The following IL1RAPL1 variants were observed in gnomAD, a reference collection of about 807,000 sequenced individuals.
The protein encoded by IL1RAPL1 is interleukin-1 receptor accessory protein-like 1.
A neutral mutation model predicts 48.4 loss-of-function variants in IL1RAPL1; 3 were observed. The ratio of observed to expected loss-of-function variants is 0.06; its 90% CI spans 0.03 to 0.16. IL1RAPL1 has a LOEUF of 0.16. Ranked by LOEUF, IL1RAPL1 falls within the 10% of genes least tolerant of loss-of-function variation. The probability of loss-of-function intolerance (pLI) is 1.00; values close to 1 mark genes in which losing one functional copy is unlikely to be tolerated. For missense variants in IL1RAPL1, 349 were observed against 530.6 expected, an observed-to-expected ratio of 0.66 and a Z score of 3.36; for synonymous variants, 185 against 187.7, an observed-to-expected ratio of 0.99 and a Z score of 0.12.
rs58049512 is a variant in IL1RAPL1 at position 28,965,844 on chromosome X, G to A, written c.82+176419G>A. Among the ~76,000 whole-genome samples the A allele has an allele frequency of 9.7e-3, 1,086 of 111,819 alleles. 5 individuals carry two copies. Among genetic ancestry groups the A allele is most frequent in the African/African-American group, 0.021 (649 of 30,899 alleles). On this transcript the variant is annotated intron_variant, in intron 2 of 10. Transcript: ENST00000378993. ...GTGCTGTTAGAAATACAATTTTCTC[G>A]TGACGAATGATGTAAAAGTAACCTT...
chrX:29,562,050 A>G (rs953597165), intron 5 of IL1RAPL1, among the ~76,000 whole-genome samples: 5 of 104,452 alleles, frequency 4.8e-5, no homozygotes, highest in Admixed American at 2.1e-4. Context: ...CTATCTATCT[A>G]TCTATCTATC....
intron 2 of IL1RAPL1, among the ~76,000 whole-genome samples, chrX:29,006,689 GTGTGT>G (rs1407623784): frequency 9.7e-6 from 1 of 103,602 alleles, no homozygotes; most frequent in Admixed American, 1.1e-4. Context: ...GTGTGTGTGT[GTGTGT>G]TATTAAATAT....
At chrX:29,508,475 T>C (rs147381668) in intron 5 of IL1RAPL1, among the ~76,000 whole-genome samples, 1,450 of 112,186 alleles carry the variant, frequency 0.013, 34 homozygotes, top group African/African-American at 0.045. Context: ...TTGACAACTA[T>C]ATAAAACAGG....
At chrX:28,843,214 G>A (rs748666934) in intron 2 of IL1RAPL1, among the ~76,000 whole-genome samples, 4 of 110,167 alleles carry the variant, frequency 3.6e-5, no homozygotes, top group South Asian at 3.9e-4. Context: ...ATAATCCCTC[G>A]CTATCGGGAT....
At chrX:29,334,697 C>T (rs1296764739) in intron 3 of IL1RAPL1, among the ~76,000 whole-genome samples, 1 of 112,449 alleles carries the variant, frequency 8.9e-6, no homozygotes, top group Non-Finnish European at 1.9e-5. Context: ...GGCAGAGGTG[C>T]TCCCCACATC....
intron 5 of IL1RAPL1, among the ~76,000 whole-genome samples, chrX:29,434,897 G>A (rs1376605211): frequency 9.0e-6 from 1 of 110,803 alleles, no homozygotes; most frequent in African/African-American, 3.3e-5. Context: ...ACAGTGTTGT[G>A]CAACCATTAC....
At chrX:29,107,483 A>G (rs1246436715) in intron 2 of IL1RAPL1, among the ~76,000 whole-genome samples, 1 of 111,934 alleles carries the variant, frequency 8.9e-6, no homozygotes, top group East Asian at 2.8e-4. Flanking sequence ...TTTCAACTCA[A>G]TTTATAGTTA....
At chrX:29,926,219 C>G (rs1932889707) in intron 8 of IL1RAPL1, among the ~76,000 whole-genome samples, 1 of 112,181 alleles carries the variant, frequency 8.9e-6, no homozygotes, top group South Asian at 3.7e-4. Context: ...ACACAGTTTT[C>G]TTCTCTATGA....
At chrX:29,205,628 A>G (rs1418828336) in intron 2 of IL1RAPL1, among the ~76,000 whole-genome samples, 2 of 112,163 alleles carry the variant, frequency 1.8e-5, no homozygotes, top group African/African-American at 3.2e-5. Flanking sequence ...TAGGTATTGC[A>G]TAAAGTAACT....
At chrX:29,935,775 G>C (rs1384739710) in intron 8 of IL1RAPL1, among the ~76,000 whole-genome samples, 1 of 111,301 alleles carries the variant, frequency 9.0e-6, no homozygotes, top group Non-Finnish European at 1.9e-5. Context: ...CTAATGATGG[G>C]TCCTAGCCAA....
At chrX:29,557,223 C>T (rs1311911381) in intron 5 of IL1RAPL1, among the ~76,000 whole-genome samples, 3 of 111,574 alleles carry the variant, frequency 2.7e-5, no homozygotes, top group African/African-American at 3.3e-5. Flanking sequence ...AAACAAATTC[C>T]AGCCAATGAA....
At chrX:29,885,903 G>A (rs1237671168) in intron 6 of IL1RAPL1, among the ~76,000 whole-genome samples, 3 of 111,516 alleles carry the variant, frequency 2.7e-5, no homozygotes, top group Non-Finnish European at 5.6e-5. Context: ...AAAACTGAAT[G>A]GTTTATTAAA....
intron 2 of IL1RAPL1, among the ~76,000 whole-genome samples, chrX:28,946,417 T>A (rs187088952): frequency 9.0e-6 from 1 of 111,060 alleles, no homozygotes; most frequent in Non-Finnish European, 1.9e-5. Context: ...TTATTAGGTA[T>A]ATAATTATAG....
chrX:29,698,402 A>C (rs759970783), intron 6 of IL1RAPL1, among the ~76,000 whole-genome samples: 84 of 111,124 alleles, frequency 7.6e-4, no homozygotes, highest in African/African-American at 2.6e-3. Context: ...ATTTCCCCAA[A>C]GTATCCTGGT....
At chrX:29,138,775 TAAAA>T (rs751624483) in intron 2 of IL1RAPL1, among the ~76,000 whole-genome samples, 2 of 67,379 alleles carry the variant, frequency 3.0e-5, no homozygotes, top group Admixed American at 1.8e-4. Flanking sequence ...AGACTCCATC[TAAAA>T]AAAAAAAAAA....
At chrX:29,130,491 C>G (rs942512126) in intron 2 of IL1RAPL1, among the ~76,000 whole-genome samples, 6 of 112,283 alleles carry the variant, frequency 5.3e-5, no homozygotes, top group Non-Finnish European at 1.1e-4. Flanking sequence ...TCTTATTCAA[C>G]TCAGCATGTT....
At chrX:29,319,065 A>G in intron 3 of IL1RAPL1, among the ~76,000 whole-genome samples, 1 of 111,154 alleles carries the variant, frequency 9.0e-6, no homozygotes, top group Non-Finnish European at 1.9e-5. Flanking sequence ...TCCATATGGC[A>G]CATATGTATA....
At chrX:29,774,136 C>T (rs1476302224) in intron 6 of IL1RAPL1, among the ~76,000 whole-genome samples, 2 of 109,492 alleles carry the variant, frequency 1.8e-5, no homozygotes, top group Non-Finnish European at 3.8e-5. Context: ...CCTTCCTCTC[C>T]GCCACCCCCC....
intron 2 of IL1RAPL1, among the ~76,000 whole-genome samples, chrX:29,211,514 G>C (rs1930768787): frequency 9.0e-6 from 1 of 111,711 alleles, no homozygotes; most frequent in Admixed American, 9.6e-5. Flanking sequence ...CCCTCAGGAA[G>C]CATCAGAATG....
Sources: allele counts gnomAD v4.1 joint callset (sites outside exome capture counted in the v4.1 genomes callset), GRCh38; gene constraint gnomAD v4.1.1; transcripts MANE v1.5; gene names NCBI Gene and HGNC (gene_info 2026-07-23, HGNC 2026-07-21).